Variants in DEK observed in about 807,000 individuals in gnomAD.
DEK encodes the protein protein DEK.
A neutral mutation model predicts 46.8 loss-of-function variants in DEK; 28 were observed. The observed-to-expected ratio is 0.60, with a 90% CI of 0.44 to 0.82. DEK has a LOEUF of 0.82. Among genes scored for constraint, DEK ranks in the 40% least tolerant of loss-of-function variants. The pLI, the probability that DEK is intolerant of heterozygous loss-of-function variation, is 0.00. For missense variants in DEK, 416 were observed against 430.6 expected, an observed-to-expected ratio of 0.97 and a Z score of 0.30; for synonymous variants, 160 against 144.5, an observed-to-expected ratio of 1.11 and a Z score of -0.77.
intron 7 of DEK, among the ~76,000 whole-genome samples, chr6:18,240,856 G>A (rs987704257): frequency 2.0e-5 from 3 of 152,110 alleles, no homozygotes; most frequent in African/African-American, 7.2e-5. Context: ...TAAACACAGT[G>A]AGACAAACTC....
rs1054809110 is a variant in DEK at position 18,224,234 on chromosome 6, G to A, written c.*1485C>T. ...TTTATAAGAACAAATATTTAAAATCGAAGGCCAATTATTAGGTCTCATTTA... is the reference window on the plus strand; with the variant it reads ...TTTATAAGAACAAATATTTAAAATCAAAGGCCAATTATTAGGTCTCATTTA... On this transcript the variant is annotated 3_prime_UTR_variant, in exon 11 of 11. Coordinates refer to ENST00000652689, the MANE Select transcript of DEK (RefSeq NM_003472.4). 4.5e-5 allele frequency: 8 copies of A among 178,726 alleles called. No homozygotes were observed. Among genetic ancestry groups the A allele is most frequent in the East Asian group, 9.2e-5 (1 of 10,848 alleles). 11.1% of individuals were successfully genotyped at this position (178,726 alleles called of 1,614,324 possible). A position where few individuals can be genotyped will look rare whatever the true frequency, so the allele number is the denominator to read the frequency against.
intron 7 of DEK, among the ~76,000 whole-genome samples, chr6:18,243,379 T>G (rs1467165133): frequency 6.6e-6 from 1 of 152,090 alleles, no homozygotes; most frequent in African/African-American, 2.4e-5. Context: ...GATAATCATT[T>G]TGAATGAGTG....
At chr6:18,233,505 AAATC>A (rs1437738697) in intron 9 of DEK, among the ~76,000 whole-genome samples, 14 of 152,364 alleles carry the variant, frequency 9.2e-5, no homozygotes, top group Admixed American at 5.9e-4. Context: ...TTACAAGAAA[AAATC>A]AAACAACCCC....
Position 18,255,860 on chromosome 6 carries a change from G to GA in DEK, c.453-10dup. The GA allele has an allele frequency of 6.3e-7, 1 of 1,593,326 alleles. No homozygotes were observed. The highest frequency in any genetic ancestry group is 8.5e-7 in the Non-Finnish European group (1 of 1,175,334). On this transcript the variant is annotated splice_polypyrimidine_tract_variant and intron_variant, in intron 5 of 10. Coordinates refer to ENST00000652689, the MANE Select transcript of DEK (RefSeq NM_003472.4). Reference sequence around the variant, plus strand: ...ACATGGCATTTCTAAATCTGAAACAGAAAATGGAAGAAACCAAGGTGTTAA... The same window carrying GA: ...ACATGGCATTTCTAAATCTGAAACAGAAAAATGGAAGAAACCAAGGTGTTAA...
At position 18,225,610 on chromosome 6, in the gene DEK, C is replaced by G. The variant is rs1247028772; in HGVS notation, c.*109G>C. On this transcript the variant is annotated 3_prime_UTR_variant, in exon 11 of 11. Coordinates refer to ENST00000652689, the MANE Select transcript of DEK (RefSeq NM_003472.4). ...AAAGGTCAGCAGTAAGTTCTACTAA[C>G]GTTGCTTAACAAGGATTTAGAAAAG... 1.6e-6 allele frequency: 2 copies of G among 1,278,422 alleles called. No homozygotes were observed. Among genetic ancestry groups the G allele is most frequent in the Non-Finnish European group, 2.2e-6 (2 of 922,182 alleles). 79.2% of individuals were successfully genotyped at this position (1,278,422 alleles called of 1,614,324 possible). A position where few individuals can be genotyped will look rare whatever the true frequency, so the allele number is the denominator to read the frequency against.
chr6:18,258,600 G>A (rs1330017592), intron 2 of DEK, among the ~76,000 whole-genome samples, 195 bp from the exon 3 acceptor site: 1 of 151,708 alleles, frequency 6.6e-6, no homozygotes, highest in Admixed American at 6.6e-5. Context: ...TTTTTTCAGA[G>A]TAACATTTTA....
At chr6:18,253,103 ATTT>A (rs912873446) in intron 6 of DEK, among the ~76,000 whole-genome samples, 3 of 137,514 alleles carry the variant, frequency 2.2e-5, no homozygotes, top group Admixed American at 7.3e-5. Flanking sequence ...AGAACCCCAC[ATTT>A]TTTTTTTTTT....
intron 6 of DEK, among the ~76,000 whole-genome samples, chr6:18,251,400 AT>A (rs1791369099): frequency 6.6e-6 from 1 of 152,184 alleles, no homozygotes; most frequent in South Asian, 2.1e-4. Context: ...CTACACAAAA[AT>A]TAAGAAAAAG....
chr6:18,249,263 C>T (rs997647099), intron 7 of DEK, among the ~76,000 whole-genome samples: 3 of 152,048 alleles, frequency 2.0e-5, no homozygotes, highest in African/African-American at 7.2e-5. Context: ...TTGCTTTTTC[C>T]GTAAAATAAA....
At chr6:18,242,932 G>A (rs1435794025) in intron 7 of DEK, among the ~76,000 whole-genome samples, 1 of 152,146 alleles carries the variant, frequency 6.6e-6, no homozygotes, top group Non-Finnish European at 1.5e-5. Flanking sequence ...AACTGCGAAA[G>A]TTATGGCCAC....
intron 9 of DEK, 110 bp from the exon 10 acceptor site, chr6:18,226,352 C>T (rs1295906330): frequency 1.1e-6 from 1 of 890,726 alleles, no homozygotes; most frequent in African/African-American, 1.8e-5. Context: ...CCACAACCAT[C>T]CCAACAGTAC....
At chr6:18,233,069 T>C (rs1790480483) in intron 9 of DEK, among the ~76,000 whole-genome samples, 1 of 152,196 alleles carries the variant, frequency 6.6e-6, no homozygotes, top group African/African-American at 2.4e-5. Context: ...CATATGATCT[T>C]TGACAAACCT....
intron 2 of DEK, among the ~76,000 whole-genome samples, chr6:18,258,959 G>A (rs558283289): frequency 1.3e-5 from 2 of 152,264 alleles, no homozygotes; most frequent in African/African-American, 4.8e-5. Flanking sequence ...GCAATCAACT[G>A]GGAGAGCATT....
chr6:18,226,658 T>TA (rs1331143012), intron 9 of DEK, among the ~76,000 whole-genome samples: 2 of 152,136 alleles, frequency 1.3e-5, no homozygotes, highest in African/African-American at 4.8e-5. Context: ...TGCATGCCTG[T>TA]AATCCCAGCT....
At chr6:18,241,753 C>A (rs984115498) in intron 7 of DEK, among the ~76,000 whole-genome samples, 8 of 152,138 alleles carry the variant, frequency 5.3e-5, no homozygotes, top group African/African-American at 1.9e-4. Flanking sequence ...GTTGCATATT[C>A]ATTTTTTTAA....
chr6:18,264,043 AGGCAGGACC>A (rs1791997717), intron 1 of DEK, 47 bp from the exon 2 acceptor site: 1 of 1,528,774 alleles, frequency 6.5e-7, no homozygotes, highest in African/African-American at 1.4e-5. Context: ...CTACTCCCGC[AGGCAGGACC>A]GGGCGGCCAC....
chr6:18,232,277 G>C (rs573294208), intron 9 of DEK, among the ~76,000 whole-genome samples: 3 of 152,122 alleles, frequency 2.0e-5, no homozygotes, highest in African/African-American at 7.2e-5. Context: ...GCAAAAACTG[G>C]AATCATTCCC....
intron 9 of DEK, among the ~76,000 whole-genome samples, chr6:18,232,449 C>G (rs59191739): frequency 0.027 from 4,115 of 152,126 alleles, 180 homozygotes; most frequent in African/African-American, 0.094. Context: ...TGACATGATT[C>G]TATATTTAGA....
At chr6:18,256,944 G>T (rs996160588) in intron 4 of DEK, among the ~76,000 whole-genome samples, 2 of 152,160 alleles carry the variant, frequency 1.3e-5, no homozygotes, top group African/African-American at 2.4e-5. Flanking sequence ...TTGGTTTAAG[G>T]ATTAAATGAG....
Sources: gnomAD v4.1 joint callset for allele counts (sites outside exome capture counted in the v4.1 genomes callset) on GRCh38, gnomAD v4.1.1 for gene constraint, MANE v1.5 for transcripts, NCBI Gene and HGNC (gene_info 2026-07-23, HGNC 2026-07-21) for gene names.